XPOT: variants seen among roughly 807,000 people sequenced by gnomAD.
XPOT encodes exportin for tRNA.
XPOT carries 34 observed loss-of-function variants against 128.2 expected under a neutral mutation model. That is an observed-to-expected ratio of 0.27 (90% confidence interval 0.20 to 0.35). The LOEUF is 0.35. Among genes scored for constraint, XPOT ranks in the 10% least tolerant of loss-of-function variants. The pLI is 1.00. For missense variants in XPOT, 838 were observed against 1,125.3 expected, an observed-to-expected ratio of 0.74 and a Z score of 3.65; for synonymous variants, 348 against 394.3, an observed-to-expected ratio of 0.88 and a Z score of 1.39.
In XPOT at chr12:64,410,106, C is replaced by G. The variant is rs1204130777; in HGVS notation, c.60+11C>G. The stretch of plus-strand genomic sequence containing the variant: ...GACTTTAGACAAAGGGTAAGTTACT[C>G]TGCTGAATCATTTTTTAATCATGTC... On this transcript the variant is annotated intron_variant, in intron 2 of 24. Coordinates refer to ENST00000332707, the MANE Select transcript of XPOT (RefSeq NM_007235.6). 2 of 1,612,838 alleles carry G rather than the reference C, an allele frequency of 1.2e-6. No homozygotes were observed. The highest frequency in any genetic ancestry group is 1.7e-6 in the Non-Finnish European group (2 of 1,179,400).
At chr12:64,405,262 C>T (rs1054026628) in intron 1 of XPOT, 2 of 152,276 alleles carry the variant, frequency 1.3e-5, no homozygotes, top group Non-Finnish European at 2.9e-5. Context: ...CACGGACGCT[C>T]CATTTCTTCT....
chr12:64,439,402 A>G, intron 23 of XPOT, 87 bp downstream of exon 23: 2 of 1,214,784 alleles, frequency 1.6e-6, no homozygotes, highest in Non-Finnish European at 2.4e-6. Context: ...AGAAATCAAA[A>G]ATATTTTCAT....
chr12:64,411,122 G>C (rs894072493), intron 2 of XPOT, among the ~76,000 whole-genome samples: 2 of 152,186 alleles, frequency 1.3e-5, no homozygotes, highest in Non-Finnish European at 2.9e-5. Flanking sequence ...AATAGGAATT[G>C]AGATTTAAGT....
intron 3 of XPOT, among the ~76,000 whole-genome samples, chr12:64,415,268 C>T (rs1477665778): frequency 6.6e-6 from 1 of 151,908 alleles, no homozygotes; most frequent in East Asian, 1.9e-4. Flanking sequence ...TAAAAACTTC[C>T]TTATCTTATG....
In XPOT at chr12:64,421,362, C is replaced by G. The variant is rs1211735630; in HGVS notation, c.971C>G (p.Ala324Gly). 4 of 1,613,846 alleles carry G rather than the reference C, an allele frequency of 2.5e-6. No individual in the cohort carries two copies. Among genetic ancestry groups the G allele is most frequent in the Non-Finnish European group, 3.4e-6 (4 of 1,179,810 alleles). The change falls in exon 9 of 25, where the codon GCT (alanine) becomes GGT (glycine). Residue 324 changes from alanine to glycine, a missense_variant. Transcript: ENST00000332707. ...AAGAATGCTCAAGAGGCACTACAAG[C>G]TATTGAAACAAAAGTGGCACTGATG... ...DIKNAQEALQ[A>G]IETKVALMLQ...
At chr12:64,418,249 C>G (rs1028769124) in intron 5 of XPOT, 134 bp downstream of exon 5, 8 of 681,776 alleles carry the variant, frequency 1.2e-5, no homozygotes, top group Non-Finnish European at 1.9e-5. Flanking sequence ...TTAAAAGGTG[C>G]TGGTTTTAAA....
intron 18 of XPOT, 144 bp downstream of exon 18, chr12:64,431,967 ATC>A: frequency 1.2e-6 from 1 of 836,648 alleles, no homozygotes; most frequent in Non-Finnish European, 1.8e-6. Flanking sequence ...ATGTATTTTT[ATC>A]ATCTGTGGTG....
chr12:64,433,952 T>C (rs1332282207), intron 19 of XPOT, among the ~76,000 whole-genome samples: 7 of 152,156 alleles, frequency 4.6e-5, no homozygotes, highest in African/African-American at 1.7e-4. Flanking sequence ...TGTAGAGAAT[T>C]CTGTATAGGA....
chr12:64,442,139 T>G (rs866860216), intron 23 of XPOT, among the ~76,000 whole-genome samples: 3 of 151,832 alleles, frequency 2.0e-5, no homozygotes, highest in Middle Eastern at 3.4e-3. Flanking sequence ...TTCTTTCTTT[T>G]TGAGACAGTC....
chr12:64,414,046 T>A (rs1175476789), intron 2 of XPOT, among the ~76,000 whole-genome samples: 1 of 152,256 alleles, frequency 6.6e-6, no homozygotes, highest in Non-Finnish European at 1.5e-5. Flanking sequence ...CCAGTTGATG[T>A]GCAATTTTCT....
chr12:64,435,054 T>C lies in XPOT; in HGVS notation c.2685+145T>C, dbSNP rs533377729. On this transcript the variant is annotated intron_variant, in intron 21 of 24. Transcript: ENST00000332707. Reference sequence around the variant, plus strand: ...TCAGGGTTCTTTTTTTAAAGATTTATGATACCTTCTGGAGTTTTTATGAAT... The same window carrying C: ...TCAGGGTTCTTTTTTTAAAGATTTACGATACCTTCTGGAGTTTTTATGAAT... 83 of 663,202 alleles carry C rather than the reference T, an allele frequency of 1.3e-4. 1 individual carries two copies. The East Asian group carries it at 2.1e-3, about 17-fold the overall frequency. 41.1% of individuals were successfully genotyped at this position (663,202 alleles called of 1,614,324 possible).
chr12:64,424,301 G>A (rs570525976), intron 11 of XPOT, among the ~76,000 whole-genome samples: 1 of 152,262 alleles, frequency 6.6e-6, no homozygotes, highest in South Asian at 2.1e-4. Context: ...GCTTTGTGCA[G>A]AAATACTTAT....
At chr12:64,410,149 G>C in intron 2 of XPOT, 54 bp downstream of exon 2, 1 of 1,558,328 alleles carries the variant, frequency 6.4e-7, no homozygotes. Context: ...ATTGGCATTA[G>C]AGGACTTGAA....
In XPOT at chr12:64,439,313, C is replaced by A; in HGVS notation, c.2803C>A (p.Gln935Lys). Reference sequence around the variant, plus strand: ...CTTGCAAGTAGCTCCAGAAATAATTCAGGTAAGAGCTATTTCTTACCATTG... The same window carrying A: ...CTTGCAAGTAGCTCCAGAAATAATTAAGGTAAGAGCTATTTCTTACCATTG... ...PSLQVAPEII[Q>K]EFCQALQQPD... is the part of the protein sequence containing the mutation. The change falls in exon 23 of 25, where the codon CAG (glutamine) becomes AAG (lysine). Residue 935 changes from glutamine to lysine, a missense_variant and splice_region_variant. This residue lies in a region of XPOT where 56 missense variants were observed against 79.2 expected (regional missense o/e 0.71). Coordinates refer to ENST00000332707, the MANE Select transcript of XPOT (RefSeq NM_007235.6). 1 of 1,613,568 alleles carries A rather than the reference C, an allele frequency of 6.2e-7. No individual in the cohort carries two copies. Among genetic ancestry groups the A allele is most frequent in the South Asian group, 1.1e-5 (1 of 91,058 alleles).
rs2040396278 is a variant in XPOT, at chr12:64,449,865, G to A, written c.*1734G>A. ...TACTAATGAATAGCATAGCATAGTG[G>A]GTAAGAGTTTATATAGCACAGGCTC... On this transcript the variant is annotated 3_prime_UTR_variant, in exon 25 of 25. Transcript: ENST00000332707. 6.6e-6 allele frequency: 1 copy of A among 152,168 alleles called. No individual in the cohort carries two copies. The highest frequency in any genetic ancestry group is 6.5e-5 in the Admixed American group (1 of 15,272). 9.4% of individuals were successfully genotyped at this position (152,168 alleles called of 1,614,324 possible).
chr12:64,447,428 T>TA (rs2040374983), intron 24 of XPOT, among the ~76,000 whole-genome samples: 1 of 152,216 alleles, frequency 6.6e-6, no homozygotes, highest in Admixed American at 6.5e-5. Flanking sequence ...GTAAATTCCT[T>TA]ACAGAGTTAG....
intron 15 of XPOT, among the ~76,000 whole-genome samples, chr12:64,426,199 C>T (rs1275521470): frequency 1.3e-5 from 2 of 150,090 alleles, no homozygotes; most frequent in Non-Finnish European, 3.0e-5. Flanking sequence ...CCCACCTACT[C>T]AGGAGGCTGA....
chr12:64,431,692 A>G lies in XPOT; in HGVS notation c.2131A>G (p.Met711Val). The change falls in exon 18 of 25, where the codon ATG (methionine) becomes GTG (valine). Residue 711 changes from methionine to valine, a missense_variant. Physicochemically the swap from Met to Val is conservative, Grantham distance 21. Transcript: ENST00000332707. ...TGGAGTCCGTACTTTCCTTCATCGA[A>G]TGATTATTTGCCTGGAGGAAGAAGT... ...RSGVRTFLHR[M>V]IICLEEEVLP... The G allele has an allele frequency of 5.0e-6, 8 of 1,614,016 alleles. No individual in the cohort carries two copies. Among genetic ancestry groups the G allele is most frequent in the South Asian group, 1.1e-5 (1 of 91,078 alleles).
intron 2 of XPOT, 147 bp from the exon 3 acceptor site, chr12:64,414,760 G>T: frequency 1.9e-6 from 1 of 540,536 alleles, no homozygotes; most frequent in East Asian, 2.8e-5. Context: ...GCATATATTC[G>T]GAAGCCTGCA....
Sources: gnomAD v4.1 joint callset for allele counts (sites outside exome capture counted in the v4.1 genomes callset) on GRCh38, gnomAD v4.1.1 for gene constraint, gnomAD v4.1.1 regional missense constraint, MANE v1.5 for transcripts, NCBI Gene and HGNC (gene_info 2026-07-23, HGNC 2026-07-21) for gene names.